The following SMG6 variants were observed in gnomAD, a reference collection of about 807,000 sequenced individuals.
The protein encoded by SMG6 is telomerase-binding protein EST1A.
A neutral mutation model predicts 142.2 loss-of-function variants in SMG6; 66 were observed. The observed-to-expected ratio is 0.46, with a 90% CI of 0.38 to 0.57. The LOEUF is 0.57. Among genes scored for constraint, SMG6 ranks in the 20% least tolerant of loss-of-function variants. The pLI, the probability that SMG6 is intolerant of heterozygous loss-of-function variation, is 0.00. For synonymous variants in SMG6, 779 were observed against 702.4 expected (o/e 1.11, Z -1.72); for missense variants, 1,793 against 1,832.0 (o/e 0.98, Z 0.39).
At chr17:2,291,265 A>G (rs914834208) in intron 6 of SMG6, among the ~76,000 whole-genome samples, 39 of 151,654 alleles carry the variant, frequency 2.6e-4, no homozygotes, top group Non-Finnish European at 5.0e-4. Flanking sequence ...CGGGAGGCGG[A>G]GCTTGCCGTG....
chr17:2,065,414 G>A lies in SMG6; in HGVS notation c.4047+54C>T. Reference sequence around the variant, plus strand: ...CCTCCTTCAGCCCTTCCTTCCTGGAGACCTTGTTCTGGAAGCTGGCTGTGG... The same window carrying A: ...CCTCCTTCAGCCCTTCCTTCCTGGAAACCTTGTTCTGGAAGCTGGCTGTGG... On this transcript the variant is annotated intron_variant, in intron 17 of 18. Coordinates refer to ENST00000263073, the MANE Select transcript of SMG6 (RefSeq NM_017575.5). 7 of 1,548,864 alleles carry A rather than the reference G, an allele frequency of 4.5e-6. No individual in the cohort carries two copies. The South Asian group carries it at 7.9e-5, about 18-fold the overall frequency.
intron 12 of SMG6, among the ~76,000 whole-genome samples, chr17:2,176,209 G>T (rs1336524202): frequency 3.9e-5 from 6 of 152,206 alleles, no homozygotes; most frequent in Non-Finnish European, 8.8e-5. Flanking sequence ...CCTGTCTGTA[G>T]AAGGAGAAAA....
chr17:2,167,076 G>C (rs933834540), intron 13 of SMG6, among the ~76,000 whole-genome samples: 1 of 129,186 alleles, frequency 7.7e-6, no homozygotes, highest in Non-Finnish European at 1.6e-5. Flanking sequence ...GGGGTGCAGT[G>C]AGCCGAGATC....
At chr17:2,082,309 AC>A (rs2068447504) in intron 14 of SMG6, 1 of 208,426 alleles carries the variant, frequency 4.8e-6, no homozygotes, top group Non-Finnish European at 9.8e-6. Flanking sequence ...TTCTGAAGTC[AC>A]CAATGATTCA....
chr17:2,278,367 T>A (rs1422488517), intron 8 of SMG6, among the ~76,000 whole-genome samples: 2 of 151,984 alleles, frequency 1.3e-5, no homozygotes, highest in Non-Finnish European at 2.9e-5. Context: ...TATGCCCAGG[T>A]AACTTTTTTG....
chr17:2,166,197 G>C (rs1193250369), intron 13 of SMG6, among the ~76,000 whole-genome samples: 1 of 152,068 alleles, frequency 6.6e-6, no homozygotes, highest in Admixed American at 6.6e-5. Context: ...TTGGGAGACA[G>C]AGCCAGACTC....
At chr17:2,126,202 T>C (rs1268280880) in intron 13 of SMG6, among the ~76,000 whole-genome samples, 8 of 152,084 alleles carry the variant, frequency 5.3e-5, no homozygotes, top group South Asian at 2.1e-4. Context: ...ATGGAAGGAA[T>C]AGTCTTTTCA....
chr17:2,081,756 T>C (rs8076897), intron 15 of SMG6, 54 bp downstream of exon 15: 1,103,426 of 1,600,424 alleles, frequency 0.69, 383,229 homozygotes, highest in East Asian at 0.93. Context: ...CATCCTCTCA[T>C]GCCCTAGACA....
chr17:2,167,235 T>C (rs4790315), intron 13 of SMG6, among the ~76,000 whole-genome samples: 53,575 of 147,214 alleles, frequency 0.36, 10,219 homozygotes, highest in African/African-American at 0.51. Context: ...AATAATGCAA[T>C]AGAAGACTTA....
intron 8 of SMG6, chr17:2,265,876 A>T: frequency 2.1e-6 from 1 of 470,718 alleles, no homozygotes; most frequent in Non-Finnish European, 2.8e-6. Context: ...CAACACCAAT[A>T]ATGCATATGA....
At chr17:2,155,529 C>T (rs2070974950) in intron 13 of SMG6, among the ~76,000 whole-genome samples, 1 of 152,056 alleles carries the variant, frequency 6.6e-6, no homozygotes, top group Admixed American at 6.5e-5. Context: ...GTTACATGAC[C>T]ATAAGGAGCA....
At chr17:2,261,457 T>C (rs932482329) in intron 8 of SMG6, among the ~76,000 whole-genome samples, 1 of 152,236 alleles carries the variant, frequency 6.6e-6, no homozygotes, top group Non-Finnish European at 1.5e-5. Context: ...TTTTGGAAGA[T>C]TTCTTTTAAC....
At chr17:2,191,627 C>T (rs1418564831) in intron 10 of SMG6, among the ~76,000 whole-genome samples, 1 of 152,188 alleles carries the variant, frequency 6.6e-6, no homozygotes, top group African/African-American at 2.4e-5. Context: ...GGAAGTCAGA[C>T]GGAAATATTT....
chr17:2,114,954 A>AATAAAATAAAAT (rs5818847), intron 13 of SMG6, among the ~76,000 whole-genome samples: 1 of 85,030 alleles, frequency 1.2e-5, no homozygotes, highest in African/African-American at 5.8e-5. Context: ...AATAAAATAA[A>AATAAAATAAAAT]AAAATGAAAT....
chr17:2,270,525 T>C (rs952483607), intron 8 of SMG6, among the ~76,000 whole-genome samples: 2 of 152,148 alleles, frequency 1.3e-5, no homozygotes, highest in African/African-American at 4.8e-5. Context: ...GGAAGACCAC[T>C]TGAGCCTGGG....
intron 8 of SMG6, among the ~76,000 whole-genome samples, chr17:2,253,235 G>A (rs1447776117): frequency 4.6e-5 from 7 of 151,730 alleles, no homozygotes; most frequent in East Asian, 3.9e-4. Context: ...TCCGCTTCCC[G>A]GGTTCACGCC....
chr17:2,192,297 TG>T (rs1356160897), intron 10 of SMG6, among the ~76,000 whole-genome samples: 1 of 152,224 alleles, frequency 6.6e-6, no homozygotes, highest in Non-Finnish European at 1.5e-5. Context: ...GGATGGAGTT[TG>T]GTTGGTCACA....
At chr17:2,093,785 T>G (rs2068787596) in intron 13 of SMG6, among the ~76,000 whole-genome samples, 1 of 150,788 alleles carries the variant, frequency 6.6e-6, no homozygotes, top group South Asian at 2.1e-4. Flanking sequence ...AGCTGGCTAA[T>G]TTTTAAAAAT....
intron 10 of SMG6, among the ~76,000 whole-genome samples, chr17:2,211,491 C>T (rs1408029545): frequency 2.0e-5 from 3 of 151,926 alleles, no homozygotes; most frequent in East Asian, 1.9e-4. Flanking sequence ...GGTGAAACCC[C>T]GTCTCTACTA....
Sources: gnomAD v4.1 joint callset for allele counts (sites outside exome capture counted in the v4.1 genomes callset) on GRCh38, gnomAD v4.1.1 for gene constraint, MANE v1.5 for transcripts, NCBI Gene and HGNC (gene_info 2026-07-23, HGNC 2026-07-21) for gene names.